GLUD1: variants seen among roughly 807,000 people sequenced by gnomAD.
GLUD1 encodes the protein glutamate dehydrogenase 1.
In GLUD1, 22 loss-of-function variants were observed where a neutral mutation model predicts 56.0. The observed-to-expected ratio is 0.39, with a 90% CI of 0.28 to 0.56. The LOEUF (loss-of-function observed/expected upper bound fraction) is 0.56. Ranked by LOEUF, GLUD1 falls within the 20% of genes least tolerant of loss-of-function variation. The probability of loss-of-function intolerance (pLI) is 0.58; values close to 1 mark genes in which losing one functional copy is unlikely to be tolerated. For synonymous variants in GLUD1, 223 were observed against 269.9 expected, an observed-to-expected ratio of 0.83 and a Z score of 1.70; for missense variants, 451 against 732.0, an observed-to-expected ratio of 0.62 and a Z score of 4.43.
At chr10:87,093,941 A>T (rs1164510896) in intron 1 of GLUD1, 1 of 1,364,276 alleles carries the variant, frequency 7.3e-7, no homozygotes, top group Admixed American at 2.2e-5. Flanking sequence ...ACAAAAGCCC[A>T]AGAACACTGA....
At chr10:87,079,897 TCCCTCCCCCTCCCCCTCC>T (rs1219140309) in intron 1 of GLUD1, among the ~76,000 whole-genome samples, 9 of 116,306 alleles carry the variant, frequency 7.7e-5, no homozygotes, top group South Asian at 3.2e-4. Context: ...GCTCTCCCTC[TCCCTCCCCCTCCCCCTCC>T]CCCTCTCCCT....
chr10:87,093,041 A>G (rs987107147), intron 1 of GLUD1, among the ~76,000 whole-genome samples: 1 of 152,222 alleles, frequency 6.6e-6, no homozygotes, highest in Admixed American at 6.5e-5. Context: ...GCTAGGGGAT[A>G]ATTAAGCTCC....
chr10:87,080,482 T>C (rs1841193527), intron 1 of GLUD1, among the ~76,000 whole-genome samples: 1 of 148,326 alleles, frequency 6.7e-6, no homozygotes, highest in South Asian at 2.2e-4. Context: ...CCATCCCATC[T>C]AGGAAGTGAG....
intron 4 of GLUD1, among the ~76,000 whole-genome samples, chr10:87,068,479 G>A (rs1167703350): frequency 6.6e-6 from 1 of 152,102 alleles, no homozygotes; most frequent in East Asian, 1.9e-4. Flanking sequence ...AGCCTCTCTT[G>A]ACCTCATTTC....
chr10:87,076,049 AT>A, intron 2 of GLUD1, 26 bp from the exon 3 acceptor site: 1 of 1,545,084 alleles, frequency 6.5e-7, no homozygotes, highest in Non-Finnish European at 8.9e-7. Flanking sequence ...GATGGTTGCT[AT>A]TCCATATAAA....
rs567481498 is a variant in GLUD1, at chr10:87,052,311, A to G, written c.1558-441T>C. Among the ~76,000 whole-genome samples, 9 of 152,070 alleles carry G rather than the reference A, an allele frequency of 5.9e-5. No homozygotes were observed. In the East Asian group the frequency reaches 1.7e-3, roughly 29 times the overall value. On this transcript the variant is annotated intron_variant, in intron 12 of 12. Coordinates refer to ENST00000277865, the MANE Select transcript of GLUD1 (RefSeq NM_005271.5). ...AGACCAGCCTGACCAATATGGTGAA[A>G]CCCCATCTCTATTAAAAATACAAAA...
Position 87,083,035 on chromosome 10 carries a change from G to A in GLUD1, c.446-6379C>T, listed in dbSNP as rs1841298581. On this transcript the variant is annotated intron_variant, in intron 1 of 12. Transcript: ENST00000277865. ...CTGGGCAGATCACTTGAGGTCAGGAGTTTGAGACCAGCTTGGCCAACATGG... is the reference window on the plus strand; with the variant it reads ...CTGGGCAGATCACTTGAGGTCAGGAATTTGAGACCAGCTTGGCCAACATGG... 2.6e-5 allele frequency among the ~76,000 whole-genome samples: 4 copies of A among 152,280 alleles called. No individual in the cohort carries two copies. In the South Asian group the frequency reaches 8.3e-4, roughly 32 times the overall value.
intron 1 of GLUD1, among the ~76,000 whole-genome samples, chr10:87,081,668 T>A (rs1306210438): frequency 2.0e-5 from 3 of 152,172 alleles, no homozygotes; most frequent in Admixed American, 2.0e-4. Flanking sequence ...GTGCTCTCTG[T>A]AACATGTGCT....
chr10:87,079,272 TAA>T (rs200702603), intron 1 of GLUD1, among the ~76,000 whole-genome samples: 17 of 142,308 alleles, frequency 1.2e-4, no homozygotes, highest in Admixed American at 2.8e-4. Context: ...ATTTGTATCT[TAA>T]AAAAAAAAAA....
chr10:87,074,346 C>T (rs1408024449), intron 4 of GLUD1, among the ~76,000 whole-genome samples: 4 of 152,128 alleles, frequency 2.6e-5, no homozygotes, highest in African/African-American at 7.2e-5. Flanking sequence ...AGTAAAAATA[C>T]AAAAATCAGC....
intron 1 of GLUD1, among the ~76,000 whole-genome samples, chr10:87,082,230 T>C (rs1209543035): frequency 6.7e-6 from 1 of 150,256 alleles, no homozygotes; most frequent in Non-Finnish European, 1.5e-5. Context: ...TAGATGTTAT[T>C]AAAAATTAGA....
chr10:87,064,228 G>A (rs1257111684), intron 5 of GLUD1, among the ~76,000 whole-genome samples: 1 of 152,054 alleles, frequency 6.6e-6, no homozygotes, highest in Non-Finnish European at 1.5e-5. Flanking sequence ...TCTTTCAATT[G>A]AAGATGTGTG....
At chr10:87,062,141 C>T (rs905833010) in intron 6 of GLUD1, among the ~76,000 whole-genome samples, 1 of 152,200 alleles carries the variant, frequency 6.6e-6, no homozygotes, top group African/African-American at 2.4e-5. Flanking sequence ...TGGTCTCGAA[C>T]TCCTGGCCTC....
At chr10:87,071,237 G>A (rs1466432115) in intron 4 of GLUD1, among the ~76,000 whole-genome samples, 2 of 151,886 alleles carry the variant, frequency 1.3e-5, no homozygotes, top group Non-Finnish European at 2.9e-5. Context: ...TTGCTGCCCA[G>A]GCTGGAGTAC....
At chr10:87,066,502 C>T (rs944562811) in intron 5 of GLUD1, among the ~76,000 whole-genome samples, 1 of 152,212 alleles carries the variant, frequency 6.6e-6, no homozygotes, top group African/African-American at 2.4e-5. Context: ...CAGTCCTTAT[C>T]CTCCCAAGTT....
In GLUD1 at chr10:87,094,276, G is replaced by A; in HGVS notation, c.445+49C>T. The A allele has an allele frequency of 1.9e-6, 3 of 1,550,654 alleles. No homozygotes were observed. Among genetic ancestry groups the A allele is most frequent in the South Asian group, 1.2e-5 (1 of 85,246 alleles). On this transcript the variant is annotated intron_variant, in intron 1 of 12. Transcript: ENST00000277865. This position sits in a 1 kb window ranked among gnomAD's most constrained non-coding sequence, Gnocchi z 6.6. ...GCACCGGCAGGAGGCCGGAGGGGAG[G>A]GCCGCAGGGGAGGCAGGGAGGGCGG... is the stretch of plus-strand genomic sequence containing the variant.
Position 87,094,633 on chromosome 10 carries a change from G to C in GLUD1, c.137C>G (p.Ala46Gly). Residue 46 changes from alanine (A) to glycine (G), a missense_variant, in exon 1 of 13, where the codon GCA becomes GGA. Physicochemically the swap from Ala to Gly is moderately conservative, Grantham distance 60. Transcript: ENST00000277865. This position sits in a 1 kb window ranked among gnomAD's most constrained non-coding sequence, Gnocchi z 6.6. Reference sequence around the variant, plus strand: ...GCTGTAGTGGCGCCGGGCGGCCAATGCCAGCCCCGGCTGCGGGGCGGCGGC... The same window carrying C: ...GCTGTAGTGGCGCCGGGCGGCCAATCCCAGCCCCGGCTGCGGGGCGGCGGC... Reference protein sequence around the residue: ...QPAAAPQPGLALAARRHYSEA... With the variant: ...QPAAAPQPGLGLAARRHYSEA... The C allele has an allele frequency of 6.2e-7, 1 of 1,606,936 alleles. No individual in the cohort carries two copies. The highest frequency in any genetic ancestry group is 8.5e-7 in the Non-Finnish European group (1 of 1,177,670).
chr10:87,057,938 A>C (rs951984523), intron 10 of GLUD1, among the ~76,000 whole-genome samples, 156 bp from the exon 11 acceptor site: 1 of 151,994 alleles, frequency 6.6e-6, no homozygotes, highest in African/African-American at 2.4e-5. Context: ...GCGTGATCTC[A>C]GCTCACTGCA....
intron 1 of GLUD1, among the ~76,000 whole-genome samples, chr10:87,083,107 G>T (rs1841300392): frequency 6.6e-6 from 1 of 151,918 alleles, no homozygotes; most frequent in African/African-American, 2.4e-5. Flanking sequence ...TGGGCATGGT[G>T]GCACATTCCC....
Sources: allele counts gnomAD v4.1 joint callset (sites outside exome capture counted in the v4.1 genomes callset), GRCh38; gene constraint gnomAD v4.1.1; non-coding constraint Gnocchi (gnomAD v3.1); transcripts MANE v1.5; gene names NCBI Gene and HGNC (gene_info 2026-07-23, HGNC 2026-07-21).